SMG1: variants seen among roughly 807,000 people sequenced by gnomAD.
The protein encoded by SMG1 is SMG1 nonsense mediated mRNA decay associated PI3K related kinase, also known as serine/threonine-protein kinase SMG1.
SMG1 carries 22 observed loss-of-function variants against 419.9 expected under a neutral mutation model. The ratio of observed to expected loss-of-function variants is 0.05; its 90% CI spans 0.04 to 0.07. The LOEUF (loss-of-function observed/expected upper bound fraction) is 0.07, where lower values mean the gene tolerates loss of function less well. SMG1 is among the 10% of genes least tolerant of loss of function. The pLI, the probability that SMG1 is intolerant of heterozygous loss-of-function variation, is 1.00. For synonymous variants in SMG1, 1,538 were observed against 1,553.5 expected (o/e 0.99, Z 0.23); for missense variants, 3,185 against 4,342.0 (o/e 0.73, Z 7.49).
chr16:18,861,344 T>C (rs2035208237), intron 25 of SMG1: 1 of 152,616 alleles, frequency 6.6e-6, no homozygotes, highest in Non-Finnish European at 1.5e-5. Flanking sequence ...TCTGAAATTC[T>C]TTCCTGTAGT....
chr16:18,864,187 C>CTTTCTTTT lies in SMG1; in HGVS notation c.3351-44_3351-43insAAAAGAAA, dbSNP rs769709597. On this transcript the variant is annotated intron_variant, in intron 23 of 62. Transcript: ENST00000446231. ...GCAGTCTTATTTATTTATCTACTTA[C>CTTTCTTTT]TTTTTTTTTTTTTTTTTTTTTTTTT... 9.4e-5 allele frequency: 56 copies of CTTTCTTTT among 598,050 alleles called. No homozygotes were observed. In the African/African-American group the frequency reaches 1.6e-3, roughly 17 times the overall value. 37.0% of individuals were successfully genotyped at this position (598,050 alleles called of 1,614,324 possible).
At chr16:18,831,623 G>C (rs995773964) in intron 51 of SMG1, among the ~76,000 whole-genome samples, 2 of 151,162 alleles carry the variant, frequency 1.3e-5, no homozygotes, top group Admixed American at 6.6e-5. Flanking sequence ...GGGCATGGGG[G>C]CATACGTCCA....
At chr16:18,858,953 A>C in intron 28 of SMG1, 69 bp downstream of exon 28, 3 of 931,950 alleles carry the variant, frequency 3.2e-6, no homozygotes, top group Non-Finnish European at 4.6e-6. Flanking sequence ...AAACTAAAAA[A>C]ATAAGGTCTT....
chr16:18,828,524 G>T (rs2032920230), intron 54 of SMG1, among the ~76,000 whole-genome samples: 1 of 136,314 alleles, frequency 7.3e-6, no homozygotes, highest in Admixed American at 7.3e-5. Context: ...CCCAAAGCCT[G>T]TGCTGTTATA....
At chr16:18,810,550 T>C (rs966675330) in intron 62 of SMG1, among the ~76,000 whole-genome samples, 4 of 152,204 alleles carry the variant, frequency 2.6e-5, no homozygotes, top group African/African-American at 7.2e-5. Flanking sequence ...AAATGCATTT[T>C]AGACTTATGG....
At chr16:18,896,982 T>C in intron 1 of SMG1, 26 bp from the exon 2 acceptor site, 3 of 1,447,616 alleles carry the variant, frequency 2.1e-6, no homozygotes, top group Non-Finnish European at 2.8e-6. Context: ...AGTTTAAGAT[T>C]AGAACTTTAA....
At chr16:18,832,044 A>C (rs75136742) in intron 51 of SMG1, among the ~76,000 whole-genome samples, 2 of 152,286 alleles carry the variant, frequency 1.3e-5, no homozygotes, top group East Asian at 3.9e-4. Flanking sequence ...TAGGGTAGTA[A>C]ATTTAAACCA....
chr16:18,833,043 C>A lies in SMG1; in HGVS notation c.8689G>T (p.Gly2897Cys), dbSNP rs377704338. 3.7e-6 allele frequency: 6 copies of A among 1,613,826 alleles called. No homozygotes were observed. The highest frequency in any genetic ancestry group is 1.3e-5 in the African/African-American group (1 of 74,916). Residue 2897 changes from glycine to cysteine, a missense_variant, in exon 51 of 63, where the codon GGC becomes TGC. Around this residue, in one of 27 missense-constraint regions of SMG1, gnomAD observed 737 missense variants for 846.6 expected, o/e 0.87. Coordinates refer to ENST00000446231, the MANE Select transcript of SMG1 (RefSeq NM_015092.5). ...TCCACTAGAGTCTGCAGGGGAACGCCATCGGTGGTCTGCTCAATAAGACCG... is the reference window on the plus strand; with the variant it reads ...TCCACTAGAGTCTGCAGGGGAACGCAATCGGTGGTCTGCTCAATAAGACCG... ...LDGLIEQTTD[G>C]VPLQTLVESL...
chr16:18,904,302 C>A (rs2037469713), intron 1 of SMG1, among the ~76,000 whole-genome samples: 1 of 150,886 alleles, frequency 6.6e-6, no homozygotes, highest in Non-Finnish European at 1.5e-5. Context: ...AACATATGAG[C>A]ACTCTCAAAA....
intron 51 of SMG1, among the ~76,000 whole-genome samples, 178 bp downstream of exon 51, chr16:18,832,762 C>T (rs977763479): frequency 2.0e-5 from 3 of 151,684 alleles, no homozygotes; most frequent in East Asian, 1.9e-4. Context: ...AGCAACTTCT[C>T]GTGATGTATA....
intron 1 of SMG1, among the ~76,000 whole-genome samples, chr16:18,920,995 G>A (rs975187899): frequency 3.9e-5 from 6 of 151,964 alleles, no homozygotes; most frequent in African/African-American, 1.5e-4. Context: ...AAAATTAGCC[G>A]GGCATAGTGG....
intron 1 of SMG1, among the ~76,000 whole-genome samples, chr16:18,921,178 A>G (rs1271581514): frequency 6.6e-6 from 1 of 151,318 alleles, no homozygotes; most frequent in African/African-American, 2.4e-5. Flanking sequence ...GAGGAAAAAT[A>G]AATAAATTAG....
chr16:18,815,222 C>G lies in SMG1; in HGVS notation c.10574G>C (p.Cys3525Ser), dbSNP rs1447625804. Reference protein sequence around the residue: ...SPLVTDATNECSSPTSSATYQ... With the variant: ...SPLVTDATNESSSPTSSATYQ... ...AGTAGCAGATGACGTTGGACTCGAA[C>G]ATTCATTTGTTGCATCGGTGACTAA... Residue 3525 changes from cysteine (C) to serine (S), a missense_variant, in exon 60 of 63, where the codon TGT becomes TCT. Cys to Ser is a moderately radical substitution (Grantham distance 112). This residue lies in a region of SMG1 where 737 missense variants were observed against 846.6 expected (regional missense o/e 0.87). Transcript: ENST00000446231. The G allele has an allele frequency of 6.3e-7, 1 of 1,596,796 alleles. No individual in the cohort carries two copies. Among genetic ancestry groups the G allele is most frequent in the East Asian group, 2.3e-5 (1 of 44,316 alleles).
chr16:18,904,373 G>A (rs1186780611), intron 1 of SMG1, among the ~76,000 whole-genome samples: 6 of 151,540 alleles, frequency 4.0e-5, no homozygotes, highest in East Asian at 2.0e-4. Context: ...GGCGGCTCAC[G>A]CCTGTAATCC....
intron 10 of SMG1, among the ~76,000 whole-genome samples, chr16:18,879,981 T>C (rs1250264870): frequency 6.6e-6 from 1 of 152,226 alleles, no homozygotes; most frequent in Admixed American, 6.5e-5. Flanking sequence ...TATACCCAAC[T>C]TCGTTTCTCC....
rs201763063 is a variant in SMG1 at position 18,836,186 on chromosome 16, C to T, written c.7804G>A (p.Ala2602Thr). The T allele has an allele frequency of 8.0e-4, 1,291 of 1,612,030 alleles. 3 individuals are homozygous for T. Among genetic ancestry groups the T allele is most frequent in the Middle Eastern group, 2.0e-3 (12 of 6,060 alleles). Residue 2602 changes from alanine to threonine, a missense_variant, in exon 48 of 63, where the codon GCC becomes ACC. Ala to Thr is a moderately conservative substitution (Grantham distance 58, BLOSUM62 0). Coordinates refer to ENST00000446231, the MANE Select transcript of SMG1 (RefSeq NM_015092.5). ...LGPPSYVPAT[A>T]FLQNAGQAHL... ...GCCTGACCAGCATTCTGCAGAAAGG[C>T]TGTTGCTGGCACGTAACTTGGAGGA...
intron 55 of SMG1, among the ~76,000 whole-genome samples, chr16:18,820,502 C>A (rs185688523): frequency 2.0e-5 from 3 of 152,292 alleles, no homozygotes; most frequent in African/African-American, 7.2e-5. Flanking sequence ...CCATGCCTGG[C>A]CAAGTTTATG....
intron 6 of SMG1, among the ~76,000 whole-genome samples, chr16:18,888,955 T>TG (rs2036760646): frequency 1.3e-5 from 2 of 151,774 alleles, no homozygotes; most frequent in South Asian, 4.2e-4. Flanking sequence ...CCCAATTAGC[T>TG]GAGACTACAG....
chr16:18,872,710 C>G, intron 13 of SMG1, 86 bp from the exon 14 acceptor site: 1 of 1,179,020 alleles, frequency 8.5e-7, no homozygotes, highest in Non-Finnish European at 1.2e-6. Context: ...ATAGGGGTAT[C>G]TGGACATTTT....
Sources: allele counts gnomAD v4.1 joint callset (sites outside exome capture counted in the v4.1 genomes callset), GRCh38; gene constraint gnomAD v4.1.1; regional missense constraint gnomAD v4.1.1; transcripts MANE v1.5; gene names NCBI Gene and HGNC (gene_info 2026-07-23, HGNC 2026-07-21).